RNF128: variants seen among roughly 807,000 people sequenced by gnomAD.
The protein encoded by RNF128 is ring finger protein 128.
In RNF128, 13 loss-of-function variants were observed where a neutral mutation model predicts 26.2. That is an observed-to-expected ratio of 0.50 (90% CI 0.32 to 0.79). The LOEUF (loss-of-function observed/expected upper bound fraction) is 0.79. Among genes scored for constraint, RNF128 ranks in the 30% least tolerant of loss-of-function variants. RNF128 has a pLI of 0.03. For synonymous variants in RNF128, 149 were observed against 142.5 expected (o/e 1.05, Z -0.32); for missense variants, 315 against 349.7 (o/e 0.90, Z 0.79).
At chrX:106,789,551 A>G (rs1468276489) in intron 4 of RNF128, among the ~76,000 whole-genome samples, 3 of 100,953 alleles carry the variant, frequency 3.0e-5, no homozygotes, top group Non-Finnish European at 6.0e-5. Flanking sequence ...TATATAATAT[A>G]TACTATATAA....
upstream of RNF128, among the ~76,000 whole-genome samples, chrX:106,722,863 A>G (rs1412339074): frequency 1.8e-5 from 2 of 111,166 alleles, no homozygotes; most frequent in Non-Finnish European, 1.9e-5. Context: ...CTCGGTGAGG[A>G]TGAACTCAGA....
At chrX:106,720,109 G>C (rs970072383) in intron 1 of RNF128, among the ~76,000 whole-genome samples, 1 of 110,384 alleles carries the variant, frequency 9.1e-6, no homozygotes, top group Non-Finnish European at 1.9e-5. Context: ...TTCCGAGGTA[G>C]GTTTGCCCAA....
At chrX:106,714,872 C>T (rs5962361) in intron 1 of RNF128, among the ~76,000 whole-genome samples, 18,584 of 111,070 alleles carry the variant, frequency 0.17, 3,858 homozygotes, top group African/African-American at 0.58. Context: ...GATTGTTGCA[C>T]ATATTAATAG....
At chrX:106,775,629 C>T (rs765638326) in intron 2 of RNF128, among the ~76,000 whole-genome samples, 10 of 111,071 alleles carry the variant, frequency 9.0e-5, no homozygotes, top group Non-Finnish European at 1.5e-4. Flanking sequence ...GGCTGATAAT[C>T]CTTTTTGCTT....
Position 106,773,174 on chromosome X carries a change from C to G in RNF128, c.732+14C>G. The G allele has an allele frequency of 8.4e-7, 1 of 1,186,774 alleles. No individual in the cohort carries two copies. Reference sequence around the variant, plus strand: ...AGCAGGAAGCAGGTTTGTAATGGTCCTTTCTTCCACTATTAAAAAAAATTT... The same window carrying G: ...AGCAGGAAGCAGGTTTGTAATGGTCGTTTCTTCCACTATTAAAAAAAATTT... On this transcript the variant is annotated intron_variant, in intron 2 of 6. Coordinates refer to ENST00000255499, the MANE Select transcript of RNF128 (RefSeq NM_194463.2).
chrX:106,752,170 C>T (rs1315741713), intron 1 of RNF128, among the ~76,000 whole-genome samples: 4 of 111,224 alleles, frequency 3.6e-5, no homozygotes, highest in Non-Finnish European at 7.6e-5. Flanking sequence ...TGGCTGGATT[C>T]ACCACCTGCT....
intron 1 of RNF128, among the ~76,000 whole-genome samples, chrX:106,758,468 T>C (rs971709031): frequency 9.0e-6 from 1 of 111,519 alleles, no homozygotes; most frequent in Non-Finnish European, 1.9e-5. Flanking sequence ...AGACCCAGAA[T>C]AGCCAAAGCC....
intron 1 of RNF128, among the ~76,000 whole-genome samples, chrX:106,747,277 G>A (rs966653580): frequency 1.8e-5 from 2 of 111,738 alleles, no homozygotes; most frequent in Non-Finnish European, 3.8e-5. Context: ...TACAGATTTA[G>A]AAAGATTGAA....
At chrX:106,724,088 C>T (rs912800497), upstream of RNF128, among the ~76,000 whole-genome samples, 1 of 111,208 alleles carries the variant, frequency 9.0e-6, no homozygotes, top group Non-Finnish European at 1.9e-5. Flanking sequence ...ACTCATCTCT[C>T]CTTCTACCCA....
intron 1 of RNF128, among the ~76,000 whole-genome samples, chrX:106,734,142 G>C (rs1319402645): frequency 1.8e-5 from 2 of 111,807 alleles, no homozygotes; most frequent in African/African-American, 6.5e-5. Flanking sequence ...TGTAGTTGAA[G>C]GTTGTGGTCA....
intron 1 of RNF128, among the ~76,000 whole-genome samples, chrX:106,730,591 AG>A (rs938633476): frequency 8.9e-6 from 1 of 112,174 alleles, no homozygotes; most frequent in African/African-American, 3.2e-5. Context: ...TACGCCAGGC[AG>A]ATGGGCCTGA....
chrX:106,734,170 A>T (rs186946898), intron 1 of RNF128, among the ~76,000 whole-genome samples: 2 of 111,473 alleles, frequency 1.8e-5, no homozygotes, highest in East Asian at 5.6e-4. Context: ...AGAGTTGGGG[A>T]TTGAGCCTCT....
At chrX:106,795,140 A>G (rs1452637616) in intron 6 of RNF128, among the ~76,000 whole-genome samples, 1 of 111,667 alleles carries the variant, frequency 9.0e-6, no homozygotes, top group Non-Finnish European at 1.9e-5. Flanking sequence ...TTTGTATTCA[A>G]TTCAATTTTG....
chrX:106,726,508 G>A (rs1413385262), upstream of RNF128, among the ~76,000 whole-genome samples: 3 of 111,871 alleles, frequency 2.7e-5, no homozygotes. Context: ...ATCGTTCCTC[G>A]CCTGTCCGTT....
intron 1 of RNF128, among the ~76,000 whole-genome samples, chrX:106,764,708 T>G (rs1930185076): frequency 8.9e-6 from 1 of 111,876 alleles, no homozygotes; most frequent in African/African-American, 3.2e-5. Context: ...AACCAACTTA[T>G]TAGCAGTACA....
intron 1 of RNF128, among the ~76,000 whole-genome samples, chrX:106,770,043 A>G (rs1205227599): frequency 9.0e-6 from 1 of 111,455 alleles, no homozygotes; most frequent in African/African-American, 3.3e-5. Flanking sequence ...TTGTGGGTTG[A>G]AAATTCTTTA....
chrX:106,789,564 TTATAA>T (rs1323020246), intron 4 of RNF128, among the ~76,000 whole-genome samples: 2 of 95,346 alleles, frequency 2.1e-5, no homozygotes, highest in East Asian at 5.9e-4. Context: ...CTATATAATA[TTATAA>T]TATGTAGTAT....
chrX:106,793,089 T>C (rs1930855252), intron 6 of RNF128, among the ~76,000 whole-genome samples: 1 of 111,397 alleles, frequency 9.0e-6, no homozygotes, highest in Non-Finnish European at 1.9e-5. Context: ...TTGAGTCACT[T>C]GGAGGGCTTA....
chrX:106,747,391 T>C (rs1272174969), intron 1 of RNF128, among the ~76,000 whole-genome samples: 1 of 111,679 alleles, frequency 9.0e-6, no homozygotes, highest in Non-Finnish European at 1.9e-5. Flanking sequence ...ACTTTTTTCT[T>C]TTCTTTGGGA....
Sources: gnomAD v4.1 joint callset for allele counts (sites outside exome capture counted in the v4.1 genomes callset) on GRCh38, gnomAD v4.1.1 for gene constraint, MANE v1.5 for transcripts, NCBI Gene and HGNC (gene_info 2026-07-23, HGNC 2026-07-21) for gene names.